SLC39A11: variants seen among roughly 807,000 people sequenced by gnomAD.
The protein encoded by SLC39A11 is zinc transporter ZIP11.
In SLC39A11, 33 loss-of-function variants were observed where a neutral mutation model predicts 36.1. The observed-to-expected ratio is 0.91, with a 90% CI of 0.69 to 1.22. The LOEUF (loss-of-function observed/expected upper bound fraction) is 1.22, where lower values mean the gene tolerates loss of function less well. SLC39A11 is among the 50% of genes most tolerant of loss of function. The pLI, the probability that SLC39A11 is intolerant of heterozygous loss-of-function variation, is 0.00. For synonymous variants in SLC39A11, 166 were observed against 170.3 expected, an observed-to-expected ratio of 0.97 and a Z score of 0.20; for missense variants, 432 against 430.3, an observed-to-expected ratio of 1.00 and a Z score of -0.03.
chr17:72,761,275 T>A (rs1168649989), intron 6 of SLC39A11, among the ~76,000 whole-genome samples: 2 of 152,086 alleles, frequency 1.3e-5, no homozygotes, highest in Non-Finnish European at 2.9e-5. Context: ...CCACCACGCC[T>A]GGCTAATTTT....
At chr17:73,035,435 C>G (rs936517866) in intron 3 of SLC39A11, among the ~76,000 whole-genome samples, 1 of 152,140 alleles carries the variant, frequency 6.6e-6, no homozygotes, top group East Asian at 1.9e-4. Context: ...CCACCGCACC[C>G]GGCCAAAAAG....
chr17:72,764,159 CTG>C (rs1555662836), intron 6 of SLC39A11, among the ~76,000 whole-genome samples: 1 of 152,144 alleles, frequency 6.6e-6, no homozygotes, highest in Non-Finnish European at 1.5e-5. Context: ...TCTTCCCAGC[CTG>C]TCTCTTCCCG....
intron 7 of SLC39A11, among the ~76,000 whole-genome samples, chr17:72,683,041 T>C (rs568369223): frequency 6.6e-6 from 1 of 152,348 alleles, no homozygotes; most frequent in South Asian, 2.1e-4. Flanking sequence ...AGAGGAACTG[T>C]CACTCACAGC....
Position 73,013,281 on chromosome 17 carries a change from T to G in SLC39A11, c.306+18275A>C, listed in dbSNP as rs1031051798. On this transcript the variant is annotated intron_variant, in intron 4 of 9. Transcript: ENST00000255559. ...TTTTGTATCTTTAATAGAGATGAGGTTTCACCATATTGGTCAGGCTGGTCT... is the reference window on the plus strand; with the variant it reads ...TTTTGTATCTTTAATAGAGATGAGGGTTCACCATATTGGTCAGGCTGGTCT... 2.7e-5 allele frequency among the ~76,000 whole-genome samples: 4 copies of G among 147,650 alleles called. No homozygotes were observed. The Admixed American group carries it at 2.8e-4, about 10-fold the overall frequency.
intron 5 of SLC39A11, among the ~76,000 whole-genome samples, chr17:72,901,789 T>C (rs906828964): frequency 9.2e-5 from 14 of 152,102 alleles, no homozygotes; most frequent in Non-Finnish European, 1.5e-4. Context: ...CTTAACAGGG[T>C]TGATTATGGG....
At chr17:72,947,124 C>T (rs1015595743) in intron 5 of SLC39A11, among the ~76,000 whole-genome samples, 1 of 152,192 alleles carries the variant, frequency 6.6e-6, no homozygotes, top group African/African-American at 2.4e-5. Context: ...AGTTCAAGAC[C>T]AGCCTGGCCA....
chr17:72,880,594 GA>G (rs1466946895), intron 5 of SLC39A11, among the ~76,000 whole-genome samples: 13 of 151,572 alleles, frequency 8.6e-5, no homozygotes, highest in Admixed American at 5.3e-4. Flanking sequence ...GTATTGCAGA[GA>G]GGAGACAAGT....
chr17:72,705,898 C>A (rs971322829), intron 7 of SLC39A11, among the ~76,000 whole-genome samples: 1 of 152,186 alleles, frequency 6.6e-6, no homozygotes, highest in African/African-American at 2.4e-5. Flanking sequence ...ATCCTGGATC[C>A]AGAGAGTAAA....
intron 4 of SLC39A11, among the ~76,000 whole-genome samples, chr17:72,992,056 A>C (rs1395388788): frequency 6.6e-6 from 1 of 152,190 alleles, no homozygotes; most frequent in African/African-American, 2.4e-5. Context: ...AAAGGTGAGA[A>C]TTTAAATCGC....
chr17:72,889,061 G>A (rs2081586938), intron 5 of SLC39A11, among the ~76,000 whole-genome samples: 1 of 152,124 alleles, frequency 6.6e-6, no homozygotes, highest in Non-Finnish European at 1.5e-5. Context: ...TCTGAATACA[G>A]GGCAAATCTC....
intron 5 of SLC39A11, among the ~76,000 whole-genome samples, chr17:72,870,282 T>C (rs1220980458): frequency 6.6e-6 from 1 of 151,020 alleles, no homozygotes; most frequent in Non-Finnish European, 1.5e-5. Flanking sequence ...TTCCTCTCCC[T>C]AACAAGCAGA....
chr17:73,062,475 A>AAAAAAAAAAAAAAAAACC (rs56021607), intron 3 of SLC39A11, among the ~76,000 whole-genome samples: 14 of 87,042 alleles, frequency 1.6e-4, no homozygotes, highest in Non-Finnish European at 2.1e-4. Flanking sequence ...AAAAAAAAAA[A>AAAAAAAAAAAAAAAAACC]AAACTTTAGG....
At chr17:72,813,487 C>G (rs2077491891) in intron 6 of SLC39A11, among the ~76,000 whole-genome samples, 1 of 152,198 alleles carries the variant, frequency 6.6e-6, no homozygotes, top group Non-Finnish European at 1.5e-5. Context: ...TACCATGGTT[C>G]TTTATGAAGC....
intron 7 of SLC39A11, among the ~76,000 whole-genome samples, chr17:72,716,342 CT>C (rs946510780): frequency 8.5e-4 from 124 of 146,058 alleles, no homozygotes; most frequent in Admixed American, 8.2e-4. Context: ...GTGGTTGAAC[CT>C]TTTTTTTTTT....
At chr17:73,045,809 G>A (rs1414089737) in intron 3 of SLC39A11, among the ~76,000 whole-genome samples, 1 of 152,210 alleles carries the variant, frequency 6.6e-6, no homozygotes, top group African/African-American at 2.4e-5. Context: ...AACACAGAGT[G>A]ATGTGGGGCA....
chr17:72,874,883 A>T (rs1466256242), intron 5 of SLC39A11, among the ~76,000 whole-genome samples: 1 of 152,222 alleles, frequency 6.6e-6, no homozygotes, highest in Admixed American at 6.5e-5. Flanking sequence ...TTTGGGACCC[A>T]GTCATTCCTC....
intron 6 of SLC39A11, among the ~76,000 whole-genome samples, chr17:72,765,755 G>A (rs1317227134): frequency 6.6e-6 from 1 of 152,178 alleles, no homozygotes; most frequent in Non-Finnish European, 1.5e-5. Flanking sequence ...GTAACAACAT[G>A]TTTTGTCAGT....
At chr17:73,086,756 G>A (rs1194008362) in intron 2 of SLC39A11, among the ~76,000 whole-genome samples, 1 of 152,210 alleles carries the variant, frequency 6.6e-6, no homozygotes, top group African/African-American at 2.4e-5. Flanking sequence ...GGAGGTGGAG[G>A]TTGCAGTGAG....
chr17:72,737,105 A>G (rs1314833281), intron 6 of SLC39A11, among the ~76,000 whole-genome samples: 1 of 152,016 alleles, frequency 6.6e-6, no homozygotes, highest in African/African-American at 2.4e-5. Flanking sequence ...GTGAAATCCC[A>G]TCTCTACTAA....
Sources: allele counts gnomAD v4.1 joint callset (sites outside exome capture counted in the v4.1 genomes callset), GRCh38; gene constraint gnomAD v4.1.1; transcripts MANE v1.5; gene names NCBI Gene and HGNC (gene_info 2026-07-23, HGNC 2026-07-21).